Variants in MVD observed in about 807,000 individuals in gnomAD.
MVD encodes the protein mevalonate diphosphate decarboxylase, also known as diphosphomevalonate decarboxylase.
Under a neutral mutation model 42.4 loss-of-function variants are expected in MVD, and 52 were observed. The ratio of observed to expected loss-of-function variants is 1.23; its 90% CI spans 0.98 to 1.55. The LOEUF (loss-of-function observed/expected upper bound fraction) is 1.55. Among genes scored for constraint, MVD ranks in the 40% most tolerant of loss-of-function variants. MVD has a pLI of 0.00. For missense variants in MVD, 663 were observed against 572.1 expected, an observed-to-expected ratio of 1.16 and a Z score of -1.62; for synonymous variants, 287 against 243.2, an observed-to-expected ratio of 1.18 and a Z score of -1.68.
chr16:88,653,174 T>A, intron 9 of MVD, 126 bp downstream of exon 9: 3 of 725,352 alleles, frequency 4.1e-6, no homozygotes, highest in Non-Finnish European at 2.3e-6. Context: ...AAAGGCGTTC[T>A]GGCTTCCTGC....
In MVD at chr16:88,652,360, G is replaced by A. The variant is rs1207546656; in HGVS notation, c.*165C>T. On this transcript the variant is annotated 3_prime_UTR_variant, in exon 10 of 10. Coordinates refer to ENST00000301012, the MANE Select transcript of MVD (RefSeq NM_002461.3). ...CGGCGGGGACCTCTCCTGACACCTG[G>A]GCGGCCGCAGGACTCCCTGCACTGC... is the stretch of plus-strand genomic sequence containing the variant. 12 of 731,688 alleles carry A rather than the reference G, an allele frequency of 1.6e-5. No individual in the cohort carries two copies. In the East Asian group the frequency reaches 3.0e-4, roughly 18 times the overall value. 45.3% of individuals were successfully genotyped at this position (731,688 alleles called of 1,614,324 possible).
intron 1 of MVD, chr16:88,662,162 C>G (rs1036949339): frequency 6.6e-6 from 1 of 152,082 alleles, no homozygotes; most frequent in Non-Finnish European, 1.5e-5. Flanking sequence ...GTCGTGGTGG[C>G]GGCTTCTGGA....
intron 1 of MVD, among the ~76,000 whole-genome samples, chr16:88,660,307 A>G (rs74919985): frequency 0.019 from 2,879 of 152,282 alleles, 82 homozygotes; most frequent in African/African-American, 0.063. Flanking sequence ...TTTAAAGAAG[A>G]CCAGAGTCTC....
chr16:88,660,990 A>G (rs1908253591), intron 1 of MVD: 1 of 127,380 alleles, frequency 7.9e-6, no homozygotes, highest in Non-Finnish European at 1.6e-5. Flanking sequence ...TGGGTGACAG[A>G]GCAAGACTCT....
chr16:88,655,099 A>G (rs1326908736), intron 7 of MVD, 100 bp downstream of exon 7: 2 of 1,341,964 alleles, frequency 1.5e-6, no homozygotes, highest in African/African-American at 2.9e-5. Context: ...TCAGACACAG[A>G]TTGCCCTGCA....
intron 3 of MVD, 100 bp from the exon 4 acceptor site, chr16:88,657,682 G>T: frequency 6.6e-7 from 1 of 1,511,214 alleles, no homozygotes. Flanking sequence ...CCAGGCCTCT[G>T]CCTGCCAGAC....
intron 9 of MVD, among the ~76,000 whole-genome samples, chr16:88,653,048 C>T (rs531128952): frequency 1.3e-5 from 2 of 152,276 alleles, no homozygotes; most frequent in African/African-American, 4.8e-5. Context: ...CTGATACTCC[C>T]CACCTGTCTC....
Position 88,653,337 on chromosome 16 carries a change from G to A in MVD, c.1085C>T (p.Pro362Leu), listed in dbSNP as rs201844867. Residue 362 changes from proline (P) to leucine (L), a missense_variant, in exon 9 of 10, where the codon CCG (proline) becomes CTG (leucine). Physicochemically the swap from Pro to Leu is moderately conservative, Grantham distance 98. Coordinates refer to ENST00000301012, the MANE Select transcript of MVD (RefSeq NM_002461.3). ...GATGTATTTGACCCCACCGGGGGTC[G>A]GCTCCATGGCCAGCGCAGCCTGAAG... ...AELQAALAMEPTPGGVKYIIV... is the reference protein window; with the variant it reads ...AELQAALAMELTPGGVKYIIV... 1.6e-4 allele frequency: 250 copies of A among 1,600,368 alleles called. 2 individuals carry two copies. The highest frequency in any genetic ancestry group is 7.2e-5 in the Admixed American group (4 of 55,308).
chr16:88,658,984 C>A, intron 1 of MVD: 1 of 492,234 alleles, frequency 2.0e-6, no homozygotes, highest in South Asian at 2.0e-5. Context: ...TCTACTCCAG[C>A]ATCCGTGAGT....
At chr16:88,652,684 A>T (rs955758004) in intron 9 of MVD, 79 bp from the exon 10 acceptor site, 1 of 1,375,906 alleles carries the variant, frequency 7.3e-7, no homozygotes, top group Non-Finnish European at 1.0e-6. Flanking sequence ...GGCCGGACAC[A>T]GGAGGGTAGC....
chr16:88,659,197 G>T, intron 1 of MVD: 1 of 188,630 alleles, frequency 5.3e-6, no homozygotes, highest in Non-Finnish European at 1.1e-5. Context: ...GTTTGCCCTG[G>T]GAGCGCTGCG....
chr16:88,652,408 C>G lies in MVD; in HGVS notation c.*117G>C. 1 of 1,176,082 alleles carries G rather than the reference C, an allele frequency of 8.5e-7. No homozygotes were observed. Among genetic ancestry groups the G allele is most frequent in the Non-Finnish European group, 1.2e-6 (1 of 813,364 alleles). The allele number at this position is 1,176,082 out of a possible 1,614,324, so 72.9% of individuals were successfully genotyped here. On this transcript the variant is annotated 3_prime_UTR_variant, in exon 10 of 10. Transcript: ENST00000301012. The stretch of plus-strand genomic sequence containing the variant: ...TGCCCCACAGCAAGCTGCCCATGGG[C>G]CCGGGGTCAAGCCACCACCCACATG...
chr16:88,659,718 C>G (rs1908170634), intron 1 of MVD, among the ~76,000 whole-genome samples: 2 of 152,290 alleles, frequency 1.3e-5, no homozygotes, highest in African/African-American at 4.8e-5. Context: ...GTAATCCCAG[C>G]ACTTTGGGAG....
In MVD at chr16:88,658,677, G is replaced by C. The variant is rs755551776; in HGVS notation, c.114C>G (p.Ser38=). 2.5e-6 allele frequency: 4 copies of C among 1,613,756 alleles called. No individual in the cohort carries two copies. The South Asian group carries it at 4.4e-5, about 18-fold the overall frequency. ...GGTCCTGGTGCAGAGTGACGCTCAG[G>C]GAGGAGTTGATGGGCAGAACCAGCT... ...DEELVLPINS[S]LSVTLHQDQL... The change falls in exon 2 of 10, where the codon TCC becomes TCG. Residue 38 remains serine, a synonymous_variant. Coordinates refer to ENST00000301012, the MANE Select transcript of MVD (RefSeq NM_002461.3).
chr16:88,656,459 C>T (rs891581744), intron 4 of MVD, 155 bp from the exon 5 acceptor site: 10 of 759,720 alleles, frequency 1.3e-5, no homozygotes, highest in Middle Eastern at 3.8e-4. Flanking sequence ...CAGCATTCAC[C>T]GGCCCAGCCG....
At chr16:88,654,388 G>C (rs1907773034) in intron 8 of MVD, among the ~76,000 whole-genome samples, 1 of 152,230 alleles carries the variant, frequency 6.6e-6, no homozygotes, top group Non-Finnish European at 1.5e-5. Context: ...TGTTTCCTAA[G>C]CCACTGTTCT....
intron 4 of MVD, chr16:88,656,913 C>G (rs976580762): frequency 6.3e-6 from 2 of 318,008 alleles, no homozygotes; most frequent in Admixed American, 9.0e-5. Flanking sequence ...CAGGCTCTGA[C>G]AGTGGGTGGG....
rs954399583 is a variant in MVD at position 88,658,668 on chromosome 16, G to A, written c.123C>T (p.Val41=). Residue 41 remains valine (V), a synonymous_variant, in exon 2 of 10, where the codon GTC becomes GTT. Coordinates refer to ENST00000301012, the MANE Select transcript of MVD (RefSeq NM_002461.3). The part of the protein sequence containing the change: ...LVLPINSSLS[V]TLHQDQLKTT... ...CACATACCTGGTCCTGGTGCAGAGT[G>A]ACGCTCAGGGAGGAGTTGATGGGCA... 2.5e-6 allele frequency: 4 copies of A among 1,613,746 alleles called. No individual in the cohort carries two copies. Among genetic ancestry groups the A allele is most frequent in the Non-Finnish European group, 3.4e-6 (4 of 1,179,882 alleles).
chr16:88,653,261 A>C, intron 9 of MVD, 39 bp downstream of exon 9: 1 of 1,534,762 alleles, frequency 6.5e-7, no homozygotes, highest in East Asian at 2.3e-5. Flanking sequence ...CCTGGCAGGA[A>C]AGGAAACCCC....
Sources: gnomAD v4.1 joint callset for allele counts (sites outside exome capture counted in the v4.1 genomes callset) on GRCh38, gnomAD v4.1.1 for gene constraint, MANE v1.5 for transcripts, NCBI Gene and HGNC (gene_info 2026-07-23, HGNC 2026-07-21) for gene names.